The following DOCK8 variants were observed in gnomAD, a reference collection of about 807,000 sequenced individuals.
The protein encoded by DOCK8 is dedicator of cytokinesis protein 8.
DOCK8 carries 141 observed loss-of-function variants against 245.6 expected under a neutral mutation model. That is an observed-to-expected ratio of 0.57 (90% CI 0.50 to 0.66). The LOEUF (loss-of-function observed/expected upper bound fraction) is 0.66, where lower values mean the gene tolerates loss of function less well. DOCK8 is among the 30% of genes least tolerant of loss of function. The pLI, the probability that DOCK8 is intolerant of heterozygous loss-of-function variation, is 0.00. For synonymous variants in DOCK8, 1,168 were observed against 970.2 expected, an observed-to-expected ratio of 1.20 and a Z score of -3.79; for missense variants, 2,965 against 2,603.4, an observed-to-expected ratio of 1.14 and a Z score of -3.02.
At chr9:344,103 C>T (rs1403090224) in intron 14 of DOCK8, among the ~76,000 whole-genome samples, 1 of 152,186 alleles carries the variant, frequency 6.6e-6, no homozygotes, top group African/African-American at 2.4e-5. Flanking sequence ...GTACTGGCCA[C>T]TGTAGAAGTG....
intron 28 of DOCK8, among the ~76,000 whole-genome samples, chr9:414,090 C>T (rs958521795): frequency 2.0e-5 from 3 of 149,076 alleles, no homozygotes; most frequent in Non-Finnish European, 2.9e-5. Flanking sequence ...TGCAGTGAGC[C>T]GAGATCGTGT....
intron 1 of DOCK8, among the ~76,000 whole-genome samples, chr9:242,652 G>A (rs1252666312): frequency 6.6e-6 from 1 of 152,268 alleles, no homozygotes; most frequent in East Asian, 1.9e-4. Context: ...GTATGTGAGG[G>A]GCAATGCTGC....
chr9:378,895 G>C (rs1394794804), intron 20 of DOCK8, among the ~76,000 whole-genome samples: 1 of 152,236 alleles, frequency 6.6e-6, no homozygotes, highest in African/African-American at 2.4e-5. Flanking sequence ...CAGACAGACA[G>C]TTTACCACCA....
chr9:360,586 T>C (rs185792137), intron 14 of DOCK8, among the ~76,000 whole-genome samples: 2 of 152,372 alleles, frequency 1.3e-5, no homozygotes, highest in Admixed American at 6.5e-5. Context: ...TGAAAAATTT[T>C]GCATTTGGTA....
chr9:332,345 C>T lies in DOCK8; in HGVS notation c.1045-53C>T, dbSNP rs1297084762. The T allele has an allele frequency of 3.9e-6, 5 of 1,283,484 alleles. No individual in the cohort carries two copies. In the Admixed American group the frequency reaches 5.1e-5, roughly 13 times the overall value. 79.5% of individuals were successfully genotyped at this position (1,283,484 alleles called of 1,614,324 possible). A position where few individuals can be genotyped will look rare whatever the true frequency, so the allele number is the denominator to read the frequency against. ...GTAATTTTGATGGTTGCATAGATTC[C>T]TTTTTATGGATGTAATTTATGTGCC... On this transcript the variant is annotated intron_variant, in intron 9 of 47. Coordinates refer to ENST00000432829, the MANE Select transcript of DOCK8 (RefSeq NM_203447.4).
chr9:392,561 C>T (rs1301234476), intron 24 of DOCK8, among the ~76,000 whole-genome samples: 1 of 152,152 alleles, frequency 6.6e-6, no homozygotes, highest in Non-Finnish European at 1.5e-5. Flanking sequence ...CAGGTGACTT[C>T]TAAGCCTGTT....
At chr9:415,663 T>TACGTGTGTGTGC (rs1182695343) in intron 29 of DOCK8, among the ~76,000 whole-genome samples, 1 of 134,840 alleles carries the variant, frequency 7.4e-6, no homozygotes, top group African/African-American at 2.7e-5. Context: ...CTCCACAGCG[T>TACGTGTGTGTGC]ACGTGTGTGT....
At chr9:364,296 T>C (rs1327138708) in intron 14 of DOCK8, among the ~76,000 whole-genome samples, 1 of 152,106 alleles carries the variant, frequency 6.6e-6, no homozygotes, top group East Asian at 1.9e-4. Flanking sequence ...CAACGTTTAG[T>C]GGCATAAAAA....
intron 7 of DOCK8, among the ~76,000 whole-genome samples, chr9:323,092 TC>T (rs2050592782): frequency 2.4e-4 from 21 of 86,230 alleles, no homozygotes; most frequent in Non-Finnish European, 8.7e-5. Flanking sequence ...AAACTCCATC[TC>T]AAAAAAAAAA....
intron 1 of DOCK8, among the ~76,000 whole-genome samples, chr9:252,019 G>A (rs1379652168): frequency 6.7e-6 from 1 of 150,080 alleles, no homozygotes; most frequent in Non-Finnish European, 1.5e-5. Context: ...TGTTGCCCAG[G>A]ATGGAGTGCA....
rs780237303 is a variant in DOCK8, at chr9:317,101, G to T, written c.800G>T (p.Arg267Ile). The T allele has an allele frequency of 6.2e-7, 1 of 1,613,962 alleles. No homozygotes were observed. Among genetic ancestry groups the T allele is most frequent in the Non-Finnish European group, 8.5e-7 (1 of 1,179,832 alleles). ...TGTCCCAAGGAACACCTGGGCAACA[G>T]AATATTGGTCAAGTTGCTGACCTTG... is the stretch of plus-strand genomic sequence containing the variant. ...PECPKEHLGN[R>I]ILVKLLTLKF... The change falls in exon 7 of 48, where the codon AGA becomes ATA. Residue 267 changes from arginine to isoleucine, a missense_variant. Physicochemically the swap from Arg to Ile is moderately conservative, Grantham distance 97 (BLOSUM62 -3). Transcript: ENST00000432829.
At position 443,322 on chromosome 9, in the gene DOCK8, ATC is replaced by A. The variant is rs2057150982; in HGVS notation, c.5491-104_5491-103del. 8.4e-6 allele frequency: 9 copies of A among 1,075,984 alleles called. No homozygotes were observed. In the East Asian group the frequency reaches 2.1e-4, roughly 26 times the overall value. 66.7% of individuals were successfully genotyped at this position (1,075,984 alleles called of 1,614,324 possible). ...GAGGAACTCTCAATAATCAGTGAAC[ATC>A]ATTCTACCTTGCACTTGCTCCAAAC... On this transcript the variant is annotated intron_variant, in intron 42 of 47. Coordinates refer to ENST00000432829, the MANE Select transcript of DOCK8 (RefSeq NM_203447.4).
intron 33 of DOCK8, 109 bp from the exon 34 acceptor site, chr9:426,776 A>G: frequency 2.3e-6 from 2 of 857,040 alleles, no homozygotes; most frequent in South Asian, 1.4e-5. Context: ...TTTTCATTTC[A>G]AGGTTGACTA....
intron 26 of DOCK8, among the ~76,000 whole-genome samples, chr9:402,082 A>G (rs1285148316): frequency 1.3e-5 from 2 of 152,244 alleles, no homozygotes; most frequent in Admixed American, 1.3e-4. Context: ...ACCCTAGATC[A>G]CCACTGCAGA....
chr9:400,247 C>CCACCACCACCAGCATCTT (rs2054800302), intron 26 of DOCK8, among the ~76,000 whole-genome samples: 1 of 66,158 alleles, frequency 1.5e-5, no homozygotes, highest in African/African-American at 6.9e-5. Flanking sequence ...ACCACCACCT[C>CCACCACCACCAGCATCTT]CACCATCACC....
At chr9:237,750 A>G (rs557161454) in intron 1 of DOCK8, among the ~76,000 whole-genome samples, 21 of 152,358 alleles carry the variant, frequency 1.4e-4, no homozygotes, top group Admixed American at 5.9e-4. Flanking sequence ...ACACATTGAT[A>G]AGCAGCCGGG....
intron 46 of DOCK8, chr9:458,460 C>T (rs2057708775): frequency 6.6e-6 from 1 of 152,198 alleles, no homozygotes; most frequent in Non-Finnish European, 1.5e-5. Flanking sequence ...ATTGAGAAAA[C>T]AACTAACGAA....
Position 432,255 on chromosome 9 carries a change from A to G in DOCK8, c.4716A>G (p.Arg1572=), listed in dbSNP as rs866410027. ...APDFNEEHLR[R]SLRTILAYSE... The stretch of plus-strand genomic sequence containing the variant: ...ACTTTAATGAAGAGCACCTGAGAAG[A>G]TCCTTGAGGACAATTTTGGCCTATT... Residue 1572 remains arginine (R), a synonymous_variant, in exon 37 of 48, where the codon AGA becomes AGG. Transcript: ENST00000432829. The G allele has an allele frequency of 3.1e-6, 5 of 1,613,830 alleles. No homozygotes were observed. The African/African-American group carries it at 4.0e-5, about 13-fold the overall frequency.
chr9:411,184 G>A (rs1434424084), intron 28 of DOCK8, among the ~76,000 whole-genome samples: 6 of 152,136 alleles, frequency 3.9e-5, no homozygotes, highest in African/African-American at 7.2e-5. Context: ...TGGCCAAGGC[G>A]AGTGGATCAC....
Sources: allele counts gnomAD v4.1 joint callset (sites outside exome capture counted in the v4.1 genomes callset), GRCh38; gene constraint gnomAD v4.1.1; transcripts MANE v1.5; gene names NCBI Gene and HGNC (gene_info 2026-07-23, HGNC 2026-07-21).